CABLES1: variants seen among roughly 807,000 people sequenced by gnomAD.
CABLES1 encodes Cdk5 and Abl enzyme substrate 1.
CABLES1 carries 36 observed loss-of-function variants against 57.8 expected under a neutral mutation model. The observed-to-expected ratio is 0.62, with a 90% CI of 0.48 to 0.82. CABLES1 has a LOEUF of 0.82. Ranked by LOEUF, CABLES1 falls within the 40% of genes least tolerant of loss-of-function variation. The probability of loss-of-function intolerance (pLI) is 0.00; values close to 1 mark genes in which losing one functional copy is unlikely to be tolerated. For missense variants in CABLES1, 767 were observed against 836.6 expected, an observed-to-expected ratio of 0.92 and a Z score of 1.03; for synonymous variants, 374 against 363.0, an observed-to-expected ratio of 1.03 and a Z score of -0.35.
At chr18:23,210,843 A>G (rs2047399696) in intron 3 of CABLES1, among the ~76,000 whole-genome samples, 1 of 152,134 alleles carries the variant, frequency 6.6e-6, no homozygotes, top group South Asian at 2.1e-4. Context: ...TGGCCCCTGC[A>G]GAAACTGAGG....
chr18:23,231,598 T>C (rs1026199438), intron 4 of CABLES1, among the ~76,000 whole-genome samples: 2 of 152,170 alleles, frequency 1.3e-5, no homozygotes, highest in African/African-American at 4.8e-5. Flanking sequence ...AGGGACCAGT[T>C]CTGTGGGTAG....
chr18:23,242,798 C>T (rs532235407), intron 7 of CABLES1, among the ~76,000 whole-genome samples: 5 of 152,114 alleles, frequency 3.3e-5, no homozygotes, highest in East Asian at 1.9e-4. Context: ...TTTTATTTAC[C>T]GAATATTAAA....
chr18:23,209,802 G>GTTT (rs144308151), intron 3 of CABLES1, among the ~76,000 whole-genome samples: 2 of 151,682 alleles, frequency 1.3e-5, no homozygotes, highest in East Asian at 1.9e-4. Context: ...TGGCTGGTGA[G>GTTT]AGACATTGCC....
chr18:23,181,842 G>A (rs1286176882), intron 1 of CABLES1, among the ~76,000 whole-genome samples: 1 of 152,222 alleles, frequency 6.6e-6, no homozygotes, highest in Non-Finnish European at 1.5e-5. Context: ...GGTGTCTTGT[G>A]ACTGTGTTAA....
intron 7 of CABLES1, among the ~76,000 whole-genome samples, chr18:23,239,317 A>G (rs2047678792): frequency 6.6e-6 from 1 of 152,202 alleles, no homozygotes; most frequent in Non-Finnish European, 1.5e-5. Flanking sequence ...CATGCTATAG[A>G]GAATGGAATT....
chr18:23,235,517 T>G (rs1054509125), intron 5 of CABLES1, among the ~76,000 whole-genome samples: 1 of 152,212 alleles, frequency 6.6e-6, no homozygotes, highest in Non-Finnish European at 1.5e-5. Flanking sequence ...CCAGGGACTC[T>G]TGGGGCCTGA....
intron 3 of CABLES1, among the ~76,000 whole-genome samples, chr18:23,209,788 A>G (rs909704056): frequency 3.3e-5 from 5 of 152,126 alleles, no homozygotes; most frequent in Admixed American, 3.3e-4. Context: ...ATACTTGAGG[A>G]CCGTGGCTGG....
intron 5 of CABLES1, among the ~76,000 whole-genome samples, chr18:23,235,243 T>A (rs1234879739): frequency 1.3e-5 from 2 of 152,232 alleles, no homozygotes; most frequent in African/African-American, 4.8e-5. Flanking sequence ...TCATCAACCC[T>A]TTCAAAATCT....
intron 3 of CABLES1, among the ~76,000 whole-genome samples, chr18:23,213,527 G>A (rs2047419477): frequency 6.6e-6 from 1 of 152,178 alleles, no homozygotes; most frequent in Non-Finnish European, 1.5e-5. Flanking sequence ...AAAACCTAAT[G>A]ATCATAATGG....
intron 9 of CABLES1, among the ~76,000 whole-genome samples, chr18:23,254,875 G>C (rs2048124872): frequency 6.6e-6 from 1 of 152,188 alleles, no homozygotes; most frequent in African/African-American, 2.4e-5. Context: ...ACGAATTTGG[G>C]GGGACACAAA....
chr18:23,253,109 CCT>C, intron 8 of CABLES1, 43 bp downstream of exon 8: 1 of 1,063,608 alleles, frequency 9.4e-7, no homozygotes, highest in Non-Finnish European at 1.5e-6. Context: ...CCTGCAAACC[CCT>C]CTTTCCACAC....
At chr18:23,209,352 C>T (rs1418149108) in intron 3 of CABLES1, among the ~76,000 whole-genome samples, 3 of 152,226 alleles carry the variant, frequency 2.0e-5, no homozygotes, top group Non-Finnish European at 2.9e-5. Context: ...TAAGGGGGGA[C>T]ACCTGTACTT....
intron 9 of CABLES1, among the ~76,000 whole-genome samples, chr18:23,255,275 G>C (rs552751729): frequency 6.6e-6 from 1 of 152,262 alleles, no homozygotes; most frequent in African/African-American, 2.4e-5. Flanking sequence ...AGATATCAAA[G>C]CATCAGAATA....
intron 1 of CABLES1, among the ~76,000 whole-genome samples, chr18:23,156,317 C>A (rs1473110295): frequency 6.6e-6 from 1 of 152,134 alleles, no homozygotes; most frequent in East Asian, 1.9e-4. Context: ...GGACGAGAGC[C>A]CTTGTCTCTG....
chr18:23,189,697 C>T lies in CABLES1; in HGVS notation c.917+788C>T, dbSNP rs894691536. 4.6e-5 allele frequency among the ~76,000 whole-genome samples: 7 copies of T among 152,196 alleles called. No individual in the cohort carries two copies. The East Asian group carries it at 9.6e-4, about 21-fold the overall frequency. On this transcript the variant is annotated intron_variant, in intron 2 of 9. Transcript: ENST00000256925. ...CTGTGGACTTCCATCAGCTCCTCCT[C>T]GAACCCGCATCTGCACCGTGCGTGC...
chr18:23,134,744 G>A (rs1351506581), upstream of CABLES1: 2 of 152,176 alleles, frequency 1.3e-5, no homozygotes, highest in African/African-American at 4.8e-5. Flanking sequence ...AAAAATTTGC[G>A]TTGTCCTTTG....
At chr18:23,207,106 C>G (rs2047369410) in intron 3 of CABLES1, among the ~76,000 whole-genome samples, 1 of 152,168 alleles carries the variant, frequency 6.6e-6, no homozygotes, top group Non-Finnish European at 1.5e-5. Context: ...CCACGGTGCC[C>G]AGCAGTGCAC....
chr18:23,219,219 G>A (rs767498692), intron 4 of CABLES1: 1 of 454,116 alleles, frequency 2.2e-6, no homozygotes, highest in South Asian at 1.6e-5. Flanking sequence ...CTCTGTGTGT[G>A]GAGCCTACTC....
intron 7 of CABLES1, among the ~76,000 whole-genome samples, chr18:23,248,530 TTTTTTTTTAA>T (rs1314127257): frequency 2.9e-5 from 4 of 138,164 alleles, no homozygotes; most frequent in Admixed American, 8.3e-5. Context: ...TTTTTTTTTT[TTTTTTTTTAA>T]AAAAAGGCTG....
Sources: allele counts gnomAD v4.1 joint callset (sites outside exome capture counted in the v4.1 genomes callset), GRCh38; gene constraint gnomAD v4.1.1; transcripts MANE v1.5; gene names NCBI Gene and HGNC (gene_info 2026-07-23, HGNC 2026-07-21).